PDE4B: variants seen among roughly 807,000 people sequenced by gnomAD.
PDE4B encodes the protein phosphodiesterase 4B.
In PDE4B, 20 loss-of-function variants were observed where a neutral mutation model predicts 82.2. That is an observed-to-expected ratio of 0.24 (90% CI 0.17 to 0.35). The LOEUF is 0.35. Ranked by LOEUF, PDE4B falls within the 10% of genes least tolerant of loss-of-function variation. The pLI is 1.00. For missense variants in PDE4B, 655 were observed against 907.2 expected (o/e 0.72, Z 3.57); for synonymous variants, 320 against 318.9 (o/e 1.00, Z -0.04).
intron 3 of PDE4B, among the ~76,000 whole-genome samples, chr1:66,022,073 A>G (rs1327854958): frequency 2.0e-5 from 3 of 152,202 alleles, no homozygotes; most frequent in African/African-American, 4.8e-5. Flanking sequence ...TCTTTGAAGC[A>G]ATTGTGAGTG....
chr1:66,348,924 A>G (rs1317120342), intron 8 of PDE4B, among the ~76,000 whole-genome samples: 2 of 152,136 alleles, frequency 1.3e-5, no homozygotes, highest in Non-Finnish European at 2.9e-5. Flanking sequence ...ATCATGAGAA[A>G]TTGCTATAAA....
At chr1:66,275,201 G>T (rs1655791537) in intron 7 of PDE4B, among the ~76,000 whole-genome samples, 1 of 152,196 alleles carries the variant, frequency 6.6e-6, no homozygotes, top group South Asian at 2.1e-4. Context: ...TCTTGCATAA[G>T]CCTGACAGGA....
chr1:65,810,987 C>T (rs979023681), intron 1 of PDE4B, among the ~76,000 whole-genome samples: 3 of 152,134 alleles, frequency 2.0e-5, no homozygotes, highest in African/African-American at 4.8e-5. Flanking sequence ...CAGCCTGTCT[C>T]GTGCATTGCA....
At chr1:66,031,812 T>C (rs1653794147) in intron 3 of PDE4B, among the ~76,000 whole-genome samples, 1 of 152,222 alleles carries the variant, frequency 6.6e-6, no homozygotes, top group African/African-American at 2.4e-5. Context: ...ATTTTTTTTC[T>C]AGTTAAATTA....
chr1:66,324,977 A>G (rs1659643014), intron 7 of PDE4B, among the ~76,000 whole-genome samples: 1 of 152,188 alleles, frequency 6.6e-6, no homozygotes, highest in South Asian at 2.1e-4. Flanking sequence ...ATCTAACTCT[A>G]AGGGAAAAAA....
chr1:65,936,925 G>A (rs866909893), intron 3 of PDE4B, among the ~76,000 whole-genome samples: 11 of 152,304 alleles, frequency 7.2e-5, no homozygotes, highest in Middle Eastern at 6.8e-3. Context: ...TTAGATAACA[G>A]CACTGCTTTG....
intron 3 of PDE4B, among the ~76,000 whole-genome samples, chr1:66,205,906 A>G (rs906341608): frequency 2.0e-5 from 3 of 152,174 alleles, no homozygotes; most frequent in Admixed American, 1.3e-4. Flanking sequence ...GCTGTTCTCC[A>G]TCATCTTCAT....
intron 4 of PDE4B, among the ~76,000 whole-genome samples, chr1:66,250,063 T>G (rs999592006): frequency 2.6e-5 from 4 of 152,272 alleles, no homozygotes; most frequent in Admixed American, 2.6e-4. Context: ...TAATTTAGTT[T>G]TAAGTTGGCA....
chr1:66,050,512 G>A (rs998486316), intron 3 of PDE4B: 1 of 151,944 alleles, frequency 6.6e-6, no homozygotes, highest in African/African-American at 2.4e-5. Context: ...CATACATAAA[G>A]TATTTCATTT....
At chr1:66,116,482 T>A (rs193234499) in intron 3 of PDE4B, among the ~76,000 whole-genome samples, 3 of 152,236 alleles carry the variant, frequency 2.0e-5, no homozygotes, top group East Asian at 1.9e-4. Flanking sequence ...TACAGCATAG[T>A]CACATCCTTT....
At chr1:66,122,926 G>A (rs1166244241) in intron 3 of PDE4B, among the ~76,000 whole-genome samples, 1 of 151,542 alleles carries the variant, frequency 6.6e-6, no homozygotes, top group Non-Finnish European at 1.5e-5. Flanking sequence ...GGCTCGTCTT[G>A]AACTCCTGAC....
chr1:66,344,867 A>G (rs1661268408), intron 8 of PDE4B, among the ~76,000 whole-genome samples: 1 of 152,182 alleles, frequency 6.6e-6, no homozygotes, highest in South Asian at 2.1e-4. Context: ...CAGTGCAGAG[A>G]TTTCTAAGGC....
At chr1:66,139,950 G>A (rs1646139134) in intron 3 of PDE4B, among the ~76,000 whole-genome samples, 1 of 152,166 alleles carries the variant, frequency 6.6e-6, no homozygotes, top group African/African-American at 2.4e-5. Flanking sequence ...AATAGTAGCT[G>A]CTGTGATGGT....
chr1:66,337,709 G>C (rs1369547030), intron 8 of PDE4B, among the ~76,000 whole-genome samples: 1 of 152,168 alleles, frequency 6.6e-6, no homozygotes, highest in Non-Finnish European at 1.5e-5. Flanking sequence ...TGTATATTTA[G>C]ACTTACAGTG....
At chr1:66,181,431 A>G (rs1647060938) in intron 3 of PDE4B, among the ~76,000 whole-genome samples, 1 of 152,106 alleles carries the variant, frequency 6.6e-6, no homozygotes, top group Non-Finnish European at 1.5e-5. Context: ...GGCCTTTCAT[A>G]TTTCTGGAAC....
At chr1:65,992,646 C>A in intron 3 of PDE4B, 1 of 980,878 alleles carries the variant, frequency 1.0e-6, no homozygotes, top group Non-Finnish European at 1.3e-6. Flanking sequence ...ACCTCATCCA[C>A]AAGGAGGCTA....
chr1:66,366,922 G>T (rs527695201), intron 13 of PDE4B, among the ~76,000 whole-genome samples: 2 of 152,308 alleles, frequency 1.3e-5, no homozygotes, highest in East Asian at 3.9e-4. Flanking sequence ...CTGTAATTAA[G>T]TAACACATTA....
At chr1:66,237,400 C>G (rs1459228911) in intron 3 of PDE4B, among the ~76,000 whole-genome samples, 1 of 152,070 alleles carries the variant, frequency 6.6e-6, no homozygotes, top group African/African-American at 2.4e-5. Context: ...AATATATGGC[C>G]TATTCATTTT....
intron 3 of PDE4B, among the ~76,000 whole-genome samples, chr1:66,193,144 AAAGT>A (rs1647972899): frequency 6.6e-6 from 1 of 152,234 alleles, no homozygotes; most frequent in Admixed American, 6.5e-5. Flanking sequence ...ATATGGAAAG[AAAGT>A]AAGATGTTTC....
Sources: allele counts gnomAD v4.1 joint callset (sites outside exome capture counted in the v4.1 genomes callset), GRCh38; gene constraint gnomAD v4.1.1; transcripts MANE v1.5; gene names NCBI Gene and HGNC (gene_info 2026-07-23, HGNC 2026-07-21).